DNAH14: variants seen among roughly 807,000 people sequenced by gnomAD.
The protein encoded by DNAH14 is dynein axonemal heavy chain 14.
A neutral mutation model predicts 520.9 loss-of-function variants in DNAH14; 478 were observed. The observed-to-expected ratio is 0.92, with a 90% CI of 0.85 to 0.99. The LOEUF (loss-of-function observed/expected upper bound fraction) is 0.99. Among genes scored for constraint, DNAH14 ranks in the 50% least tolerant of loss-of-function variants. The pLI, the probability that DNAH14 is intolerant of heterozygous loss-of-function variation, is 0.00. For missense variants in DNAH14, 4,831 were observed against 5,234.5 expected (o/e 0.92, Z 2.38); for synonymous variants, 1,581 against 1,757.2 (o/e 0.90, Z 2.51).
chr1:225,373,548 AG>A (rs2095646612), intron 77 of DNAH14, among the ~76,000 whole-genome samples: 1 of 152,094 alleles, frequency 6.6e-6, no homozygotes, highest in Non-Finnish European at 1.5e-5. Flanking sequence ...CAGGGAGGAT[AG>A]AAAGAAGGGA....
In DNAH14 at chr1:225,340,440, G is replaced by T; in HGVS notation, c.10434-17G>T. 1 of 1,514,940 alleles carries T rather than the reference G, an allele frequency of 6.6e-7. No homozygotes were observed. The allele number at this position is 1,514,940 out of a possible 1,614,324, so 93.8% of individuals were successfully genotyped here. On this transcript the variant is annotated splice_polypyrimidine_tract_variant and intron_variant, in intron 68 of 85. Coordinates refer to ENST00000682510, the MANE Select transcript of DNAH14 (RefSeq NM_001367479.1). ...TCTACATGTTCTTTGAATAACTGGT[G>T]CCTTTCTCATGTTCAGGTTATACTT... is the stretch of plus-strand genomic sequence containing the variant.
At position 225,117,677 on chromosome 1, in the gene DNAH14, T is replaced by G; in HGVS notation, c.3868-7T>G. Reference sequence around the variant, plus strand: ...TTCTGAATTGCATTTCTTTTGATTCTGGACAGGATTACCTTGAAGTTAAAA... The same window carrying G: ...TTCTGAATTGCATTTCTTTTGATTCGGGACAGGATTACCTTGAAGTTAAAA... On this transcript the variant is annotated splice_region_variant and splice_polypyrimidine_tract_variant and intron_variant, in intron 23 of 85. Coordinates refer to ENST00000682510, the MANE Select transcript of DNAH14 (RefSeq NM_001367479.1). 6.7e-7 allele frequency: 1 copy of G among 1,499,582 alleles called. No homozygotes were observed. The allele number at this position is 1,499,582 out of a possible 1,614,324, so 92.9% of individuals were successfully genotyped here. A position where few individuals can be genotyped will look rare whatever the true frequency, so the allele number is the denominator to read the frequency against.
At chr1:224,981,994 G>A (rs554363615) in intron 8 of DNAH14, among the ~76,000 whole-genome samples, 1 of 152,120 alleles carries the variant, frequency 6.6e-6, no homozygotes, top group Admixed American at 6.5e-5. Flanking sequence ...TTAGGTCATA[G>A]GGTAAATACT....
intron 22 of DNAH14, among the ~76,000 whole-genome samples, chr1:225,098,066 G>C (rs2148707057): frequency 6.6e-6 from 1 of 152,214 alleles, no homozygotes; most frequent in Admixed American, 6.5e-5. Flanking sequence ...AGTAGCACAT[G>C]CCTGTGGTCC....
chr1:225,240,483 CATTACA>C, intron 42 of DNAH14, 104 bp from the exon 43 acceptor site: 1 of 657,780 alleles, frequency 1.5e-6, no homozygotes, highest in East Asian at 2.8e-5. Context: ...TACCTAACTG[CATTACA>C]ATTTTTAATA....
Position 225,094,062 on chromosome 1 carries a change from G to A in DNAH14, c.3574-3056G>A, listed in dbSNP as rs528197907. Among the ~76,000 whole-genome samples, 19 of 152,160 alleles carry A rather than the reference G, an allele frequency of 1.2e-4. 1 individual carries two copies. The South Asian group carries it at 2.5e-3, about 20-fold the overall frequency. On this transcript the variant is annotated intron_variant, in intron 21 of 85. Coordinates refer to ENST00000682510, the MANE Select transcript of DNAH14 (RefSeq NM_001367479.1). Reference sequence around the variant, plus strand: ...CTAAAACAGCCATACTGCCCAAAGCGTTTTACAGATTCAGTGCTGTTCTTA... The same window carrying A: ...CTAAAACAGCCATACTGCCCAAAGCATTTTACAGATTCAGTGCTGTTCTTA...
intron 61 of DNAH14, among the ~76,000 whole-genome samples, chr1:225,322,085 CTTTTTTT>C (rs3047035): frequency 1.7e-3 from 152 of 90,174 alleles, no homozygotes; most frequent in Non-Finnish European, 2.5e-3. Context: ...TTTTTTCTTT[CTTTTTTT>C]TTTTTTTTTT....
intron 27 of DNAH14, among the ~76,000 whole-genome samples, chr1:225,139,024 T>C (rs770189214): frequency 6.6e-6 from 1 of 152,202 alleles, no homozygotes; most frequent in Non-Finnish European, 1.5e-5. Context: ...AATTTAAAAT[T>C]AACATCATAT....
At chr1:225,313,138 T>G (rs1449868738) in intron 60 of DNAH14, among the ~76,000 whole-genome samples, 6 of 152,242 alleles carry the variant, frequency 3.9e-5, no homozygotes, top group Non-Finnish European at 8.8e-5. Flanking sequence ...TATTGTTCTA[T>G]TCAGGTATTT....
intron 17 of DNAH14, among the ~76,000 whole-genome samples, chr1:225,066,421 A>G (rs953928097): frequency 5.9e-5 from 9 of 152,156 alleles, no homozygotes; most frequent in Middle Eastern, 3.4e-3. Flanking sequence ...GGCCAACATC[A>G]TGGAGCTTTG....
At chr1:225,218,158 C>T (rs1370349525) in intron 41 of DNAH14, among the ~76,000 whole-genome samples, 1 of 152,104 alleles carries the variant, frequency 6.6e-6, no homozygotes, top group Non-Finnish European at 1.5e-5. Flanking sequence ...CTGAAGGAAG[C>T]ACTAAATATG....
At chr1:225,129,798 CA>C (rs2078182565) in intron 27 of DNAH14, among the ~76,000 whole-genome samples, 1 of 151,968 alleles carries the variant, frequency 6.6e-6, no homozygotes, top group Non-Finnish European at 1.5e-5. Flanking sequence ...CAATGGCAAC[CA>C]AAGCCAAAAT....
At chr1:225,180,518 G>A (rs1170846361) in intron 36 of DNAH14, among the ~76,000 whole-genome samples, 2 of 152,122 alleles carry the variant, frequency 1.3e-5, no homozygotes, top group East Asian at 1.9e-4. Flanking sequence ...GATGTAACAC[G>A]GTAAGATAGG....
rs777727884 is a variant in DNAH14 at position 224,955,013 on chromosome 1, AC to A, written c.134del (p.Pro45GlnfsTer4). ...AAGATGTGAAACCATTAGAGACTCAACCAGCTGAAATAGCAGAAAAGGAAAC... is the reference window on the plus strand; with the variant it reads ...AAGATGTGAAACCATTAGAGACTCAACAGCTGAAATAGCAGAAAAGGAAAC... ...YEDVKPLETQ[P>X]AEIAEKETLE... is the part of the protein sequence containing the mutation. On this transcript the variant is annotated frameshift_variant, in exon 3 of 86. Coordinates refer to ENST00000682510, the MANE Select transcript of DNAH14 (RefSeq NM_001367479.1). LOFTEE classifies it high-confidence loss of function. 1 of 1,610,884 alleles carries A rather than the reference AC, an allele frequency of 6.2e-7. No homozygotes were observed. The highest frequency in any genetic ancestry group is 1.1e-5 in the South Asian group (1 of 90,794).
intron 76 of DNAH14, among the ~76,000 whole-genome samples, chr1:225,365,935 C>CT (rs2095547619): frequency 6.6e-6 from 1 of 152,150 alleles, no homozygotes; most frequent in Non-Finnish European, 1.5e-5. Context: ...ATACATAAAA[C>CT]TTTATGGGAG....
intron 56 of DNAH14, 63 bp downstream of exon 56, chr1:225,301,093 C>A (rs2094130239): frequency 6.9e-7 from 1 of 1,448,128 alleles, no homozygotes. Context: ...GTTTATAATT[C>A]TGTACATGAT....
At chr1:225,128,325 C>T (rs1013085654) in intron 27 of DNAH14, among the ~76,000 whole-genome samples, 5 of 152,142 alleles carry the variant, frequency 3.3e-5, no homozygotes, top group African/African-American at 1.2e-4. Flanking sequence ...ATGAGGCCAG[C>T]ATCATCCTGA....
chr1:225,385,306 T>C (rs564522840), intron 81 of DNAH14, among the ~76,000 whole-genome samples: 7 of 152,332 alleles, frequency 4.6e-5, no homozygotes, highest in African/African-American at 1.4e-4. Context: ...GCATTCCCTT[T>C]GAAAACTGGC....
At chr1:224,963,082 G>A (rs1572084790) in intron 4 of DNAH14, among the ~76,000 whole-genome samples, 1 of 151,990 alleles carries the variant, frequency 6.6e-6, no homozygotes, top group Admixed American at 6.6e-5. Flanking sequence ...ATGTTTATGG[G>A]CCATTTATCT....
Sources: allele counts gnomAD v4.1 joint callset (sites outside exome capture counted in the v4.1 genomes callset), GRCh38; gene constraint gnomAD v4.1.1; transcripts MANE v1.5; gene names NCBI Gene and HGNC (gene_info 2026-07-23, HGNC 2026-07-21).